Variants in CFAP54 observed in about 807,000 individuals in gnomAD.
CFAP54 encodes cilia and flagella associated protein 54, also known as cilia- and flagella-associated protein 54.
Under a neutral mutation model 370.4 loss-of-function variants are expected in CFAP54, and 290 were observed. That is an observed-to-expected ratio of 0.78 (90% CI 0.71 to 0.86). The LOEUF is 0.86. Among genes scored for constraint, CFAP54 ranks in the 40% least tolerant of loss-of-function variants. CFAP54 has a pLI of 0.00. For missense variants in CFAP54, 3,399 were observed against 3,528.7 expected (o/e 0.96, Z 0.93); for synonymous variants, 1,206 against 1,236.5 (o/e 0.98, Z 0.52).
intron 65 of CFAP54, among the ~76,000 whole-genome samples, chr12:96,826,546 T>A (rs1396295241): frequency 1.1e-5 from 1 of 89,718 alleles, no homozygotes; most frequent in African/African-American, 4.4e-5. Context: ...ATATATATAA[T>A]TTATATATAA....
At chr12:96,626,364 C>T (rs1206730922) in intron 29 of CFAP54, among the ~76,000 whole-genome samples, 4 of 145,016 alleles carry the variant, frequency 2.8e-5, no homozygotes, top group Middle Eastern at 3.4e-3. Flanking sequence ...CCAGCCTGGG[C>T]GACAGAGTGA....
intron 62 of CFAP54, among the ~76,000 whole-genome samples, chr12:96,790,621 G>T (rs1170154270): frequency 6.6e-6 from 1 of 151,784 alleles, no homozygotes; most frequent in Non-Finnish European, 1.5e-5. Flanking sequence ...AAATCACTCA[G>T]ATATGAAGAA....
chr12:96,491,922 G>A (rs1954889416), intron 1 of CFAP54, among the ~76,000 whole-genome samples: 1 of 152,036 alleles, frequency 6.6e-6, no homozygotes, highest in African/African-American at 2.4e-5. Flanking sequence ...ACCACGCCCG[G>A]CTAATTTTTG....
chr12:96,651,767 A>T lies in CFAP54; in HGVS notation c.5052A>T (p.Glu1684Asp), dbSNP rs1480362299. 6.2e-7 allele frequency: 1 copy of T among 1,613,016 alleles called. No homozygotes were observed. Among genetic ancestry groups the T allele is most frequent in the African/African-American group, 1.3e-5 (1 of 74,910 alleles). Residue 1684 changes from glutamate to aspartate, a missense_variant, in exon 36 of 68, where the codon GAA becomes GAT. Transcript: ENST00000524981. ...TSVLPFYLGA[E>D]LLIDMLIQLQ... is the part of the protein sequence containing the mutation. ...TTTTACCATTCTATTTGGGAGCAGA[A>T]TTACTTATTGACATGTTAATACAAC...
At chr12:96,849,063 A>G (rs1959459170) in intron 66 of CFAP54, among the ~76,000 whole-genome samples, 1 of 152,216 alleles carries the variant, frequency 6.6e-6, no homozygotes, top group African/African-American at 2.4e-5. Flanking sequence ...TTGATTCTTA[A>G]GTAAGCTCGT....
rs149396301 is a variant in CFAP54 at position 96,569,744 on chromosome 12, C to A, written c.2619+4979C>A. ...CAACACAGAATCTAATTTATGGTAC[C>A]ATTTTGGACCAGAACTAACGAAGAA... On this transcript the variant is annotated intron_variant, in intron 19 of 67. Transcript: ENST00000524981. Among the ~76,000 whole-genome samples, 775 of 152,228 alleles carry A rather than the reference C, an allele frequency of 5.1e-3. 10 individuals carry two copies. Among genetic ancestry groups the A allele is most frequent in the African/African-American group, 0.018 (731 of 41,536 alleles).
intron 52 of CFAP54, 37 bp downstream of exon 52, chr12:96,742,623 T>A: frequency 6.4e-7 from 1 of 1,571,720 alleles, no homozygotes; most frequent in Non-Finnish European, 8.7e-7. Flanking sequence ...TTCATAAAAA[T>A]TAATTTTACA....
chr12:96,872,187 G>A (rs925540720), intron 67 of CFAP54, among the ~76,000 whole-genome samples: 1 of 151,900 alleles, frequency 6.6e-6, no homozygotes, highest in Non-Finnish European at 1.5e-5. Flanking sequence ...TCAACCAGAA[G>A]AAAAAACACA....
At chr12:96,782,830 G>A (rs796282066) in intron 60 of CFAP54, among the ~76,000 whole-genome samples, 29 of 152,208 alleles carry the variant, frequency 1.9e-4, no homozygotes, top group East Asian at 7.7e-4. Context: ...TTGTGCATGC[G>A]TGCACCAGAC....
At position 96,503,090 on chromosome 12, in the gene CFAP54, TTCTTTC is replaced by T. The variant is rs1037404364; in HGVS notation, c.424-792_424-787del. ...TCTCTCTTTCTTTCTTTCTCTTTCT[TTCTTTC>T]TCTCTCTCTCCTTCCTTCCTTCTTT... On this transcript the variant is annotated intron_variant, in intron 2 of 67. Transcript: ENST00000524981. Among the ~76,000 whole-genome samples, 10 of 135,384 alleles carry T rather than the reference TTCTTTC, an allele frequency of 7.4e-5. No homozygotes were observed. In the East Asian group the frequency reaches 1.6e-3, roughly 21 times the overall value. The allele number at this position is 135,384 out of a possible 152,430, so 88.8% of individuals were successfully genotyped here.
At chr12:96,530,789 C>T (rs1955433970) in intron 9 of CFAP54, among the ~76,000 whole-genome samples, 1 of 152,142 alleles carries the variant, frequency 6.6e-6, no homozygotes. Context: ...ACTATATTTC[C>T]ACCAGCAATG....
chr12:96,540,521 C>T (rs935221302), intron 13 of CFAP54, among the ~76,000 whole-genome samples: 1 of 152,138 alleles, frequency 6.6e-6, no homozygotes. Flanking sequence ...TTTGAGGATA[C>T]AGATACTATT....
chr12:96,720,563 C>CAGGT lies in CFAP54; in HGVS notation c.6964_6965+2dup. On this transcript the variant is annotated frameshift_variant and splice_region_variant, in exon 50 of 68. Coordinates refer to ENST00000524981, the MANE Select transcript of CFAP54 (RefSeq NM_001306084.2). LOFTEE classifies it high-confidence loss of function. The stretch of plus-strand genomic sequence containing the variant: ...CTCTGCAGAGGCACCGGGCGGCATA[C>CAGGT]AGGTGCGTCTCTCCATGCACAGGGG... The CAGGT allele has an allele frequency of 6.5e-7, 1 of 1,532,810 alleles. No homozygotes were observed. Among genetic ancestry groups the CAGGT allele is most frequent in the Admixed American group, 2.0e-5 (1 of 48,858 alleles). The allele number at this position is 1,532,810 out of a possible 1,614,324, so 95.0% of individuals were successfully genotyped here. A position where few individuals can be genotyped will look rare whatever the true frequency, so the allele number is the denominator to read the frequency against.
intron 38 of CFAP54, among the ~76,000 whole-genome samples, chr12:96,661,943 G>A (rs1956999270): frequency 6.6e-6 from 1 of 152,082 alleles, no homozygotes; most frequent in Non-Finnish European, 1.5e-5. Context: ...CAAGCCTCCT[G>A]TCCTGGCTGC....
intron 19 of CFAP54, chr12:96,573,118 A>G (rs1955940308): frequency 1.2e-6 from 1 of 833,248 alleles, no homozygotes; most frequent in South Asian, 5.5e-5. Context: ...TACAGGCTCC[A>G]GACATAATCC....
intron 63 of CFAP54, among the ~76,000 whole-genome samples, chr12:96,792,983 T>A (rs1306543496): frequency 1.3e-5 from 2 of 152,142 alleles, no homozygotes; most frequent in Non-Finnish European, 2.9e-5. Context: ...CTATTATTTG[T>A]ATTAAATTTT....
At chr12:96,506,309 A>G (rs933077988) in intron 3 of CFAP54, among the ~76,000 whole-genome samples, 46 of 149,608 alleles carry the variant, frequency 3.1e-4, no homozygotes, top group African/African-American at 1.0e-3. Flanking sequence ...CTGCACTCCA[A>G]CCTGGGAGAC....
At chr12:96,616,535 ATAAT>A (rs1956420355) in intron 26 of CFAP54, among the ~76,000 whole-genome samples, 1 of 151,798 alleles carries the variant, frequency 6.6e-6, no homozygotes. Flanking sequence ...ACAGAAAAAG[ATAAT>A]TAGATTACAT....
chr12:96,769,623 C>G (rs910564905), intron 60 of CFAP54, among the ~76,000 whole-genome samples: 1 of 152,240 alleles, frequency 6.6e-6, no homozygotes, highest in Non-Finnish European at 1.5e-5. Context: ...CTTTCTTTCT[C>G]TGGGCATGAG....
Sources: gnomAD v4.1 joint callset for allele counts (sites outside exome capture counted in the v4.1 genomes callset) on GRCh38, gnomAD v4.1.1 for gene constraint, MANE v1.5 for transcripts, NCBI Gene and HGNC (gene_info 2026-07-23, HGNC 2026-07-21) for gene names.